PRKG1: variants seen among roughly 807,000 people sequenced by gnomAD.
PRKG1 encodes the protein cGMP-dependent protein kinase 1.
A neutral mutation model predicts 88.1 loss-of-function variants in PRKG1; 35 were observed. The ratio of observed to expected loss-of-function variants is 0.40; its 90% CI spans 0.30 to 0.53. PRKG1 has a LOEUF of 0.53. PRKG1 is among the 20% of genes least tolerant of loss of function. The pLI is 0.59. For synonymous variants in PRKG1, 303 were observed against 292.5 expected (o/e 1.04, Z -0.37); for missense variants, 540 against 839.8 (o/e 0.64, Z 4.41).
intron 2 of PRKG1, among the ~76,000 whole-genome samples, chr10:51,394,420 T>G (rs138835392): frequency 5.9e-5 from 9 of 152,304 alleles, no homozygotes; most frequent in Non-Finnish European, 1.2e-4. Context: ...GAGGGAAGAA[T>G]CAGAAATGCC....
intron 5 of PRKG1, among the ~76,000 whole-genome samples, chr10:51,967,674 T>G (rs976272982): frequency 6.6e-6 from 1 of 152,278 alleles, no homozygotes; most frequent in East Asian, 1.9e-4. Context: ...CTTCACAGCC[T>G]TTTTACTTCT....
At chr10:51,622,698 C>A (rs1008505025) in intron 3 of PRKG1, among the ~76,000 whole-genome samples, 1 of 152,114 alleles carries the variant, frequency 6.6e-6, no homozygotes, top group East Asian at 1.9e-4. Context: ...CATTTTCCTC[C>A]CCAGACACTT....
upstream of PRKG1, chr10:51,074,399 T>C (rs376195944): frequency 7.9e-6 from 11 of 1,397,194 alleles, no homozygotes; most frequent in East Asian, 5.1e-5. Context: ...AAGTGGAATC[T>C]GCACTGAAAC....
intron 2 of PRKG1, among the ~76,000 whole-genome samples, chr10:51,355,825 T>A (rs1842354397): frequency 6.6e-6 from 1 of 152,014 alleles, no homozygotes; most frequent in African/African-American, 2.4e-5. Flanking sequence ...TTGCAAATAT[T>A]CCCAATGATA....
At chr10:51,083,166 A>C (rs181687301) in intron 1 of PRKG1, among the ~76,000 whole-genome samples, 1 of 152,202 alleles carries the variant, frequency 6.6e-6, no homozygotes, top group East Asian at 1.9e-4. Flanking sequence ...TATCAGCATC[A>C]CTTTAATCTC....
chr10:51,828,557 A>G (rs974272518), intron 4 of PRKG1, among the ~76,000 whole-genome samples: 1 of 152,180 alleles, frequency 6.6e-6, no homozygotes, highest in Non-Finnish European at 1.5e-5. Context: ...CTTATACTGG[A>G]ACAACCTGAT....
At chr10:51,244,172 T>A (rs141335277) in intron 2 of PRKG1, among the ~76,000 whole-genome samples, 67 of 152,288 alleles carry the variant, frequency 4.4e-4, no homozygotes, top group African/African-American at 1.5e-3. Flanking sequence ...TCATAGATAC[T>A]TTACATAAAA....
chr10:51,423,913 T>G (rs1241779203), intron 2 of PRKG1, among the ~76,000 whole-genome samples: 1 of 152,172 alleles, frequency 6.6e-6, no homozygotes, highest in Non-Finnish European at 1.5e-5. Flanking sequence ...GATCATCATA[T>G]TAAATTATAC....
At chr10:51,202,619 T>C (rs1837941765) in intron 2 of PRKG1, among the ~76,000 whole-genome samples, 2 of 152,228 alleles carry the variant, frequency 1.3e-5, no homozygotes, top group African/African-American at 4.8e-5. Context: ...TAATTTCAAC[T>C]AGAATATAGA....
At position 50,991,599 on chromosome 10, in the gene PRKG1, TCCA is replaced by T. The variant is rs768634536; in HGVS notation, c.223_225del (p.His75del). 6.3e-7 allele frequency: 1 copy of T among 1,578,338 alleles called. No individual in the cohort carries two copies. The highest frequency in any genetic ancestry group is 8.6e-7 in the Non-Finnish European group (1 of 1,163,946). On this transcript the variant is annotated inframe_deletion, in exon 1 of 18. Transcript: ENST00000401604. This position sits in a 1 kb window ranked among gnomAD's most constrained non-coding sequence, Gnocchi z 4.5. ...GCCGAGCCGCAGACGTACAGGTCCTTCCACGACCTCCGACAGGCATTCCGGAAG... is the reference window on the plus strand; with the variant it reads ...GCCGAGCCGCAGACGTACAGGTCCTTCGACCTCCGACAGGCATTCCGGAAG...
At chr10:52,069,931 T>A (rs1846454856) in intron 7 of PRKG1, among the ~76,000 whole-genome samples, 1 of 146,890 alleles carries the variant, frequency 6.8e-6, no homozygotes, top group African/African-American at 2.5e-5. Context: ...AAGTTTTACC[T>A]TCTTCTATTT....
chr10:52,045,907 A>T (rs1845852712), intron 5 of PRKG1, among the ~76,000 whole-genome samples: 1 of 152,000 alleles, frequency 6.6e-6, no homozygotes, highest in Non-Finnish European at 1.5e-5. Context: ...GACTGTGGTT[A>T]TCTGGAAACC....
At chr10:51,737,054 T>A (rs768145715) in intron 3 of PRKG1, among the ~76,000 whole-genome samples, 7 of 152,200 alleles carry the variant, frequency 4.6e-5, no homozygotes, top group Non-Finnish European at 1.0e-4. Flanking sequence ...TAAAGATTAT[T>A]TACAAACAGG....
intron 3 of PRKG1, among the ~76,000 whole-genome samples, chr10:51,547,833 T>A (rs1842477145): frequency 6.6e-6 from 1 of 152,152 alleles, no homozygotes; most frequent in Admixed American, 6.6e-5. Flanking sequence ...GTGCAATTAA[T>A]GTTACCTTTT....
At chr10:51,081,275 G>T (rs1358689009) in intron 1 of PRKG1, among the ~76,000 whole-genome samples, 1 of 152,196 alleles carries the variant, frequency 6.6e-6, no homozygotes, top group East Asian at 1.9e-4. Context: ...AGGGCGAAAC[G>T]AGATGGGTAT....
chr10:51,295,966 T>C (rs916573149), intron 2 of PRKG1, among the ~76,000 whole-genome samples: 1 of 152,190 alleles, frequency 6.6e-6, no homozygotes, highest in African/African-American at 2.4e-5. Context: ...GTTAGTGTGG[T>C]GTATCACGTT....
chr10:51,239,462 CAGTT>C (rs1839092956), intron 2 of PRKG1, among the ~76,000 whole-genome samples: 1 of 152,160 alleles, frequency 6.6e-6, no homozygotes, highest in Non-Finnish European at 1.5e-5. Context: ...ATGAAAAACA[CAGTT>C]AGCCAAATGG....
chr10:51,663,394 C>T (rs998556479), intron 3 of PRKG1, among the ~76,000 whole-genome samples: 2 of 151,998 alleles, frequency 1.3e-5, no homozygotes, highest in East Asian at 1.9e-4. Flanking sequence ...TTCACATCAA[C>T]CTTAAAGCTG....
At chr10:52,000,025 A>AT (rs546241359) in intron 5 of PRKG1, among the ~76,000 whole-genome samples, 80 of 152,058 alleles carry the variant, frequency 5.3e-4, no homozygotes, top group African/African-American at 1.9e-3. Context: ...ACCCTTTCTG[A>AT]TTTTTTAATG....
Sources: allele counts gnomAD v4.1 joint callset (sites outside exome capture counted in the v4.1 genomes callset), GRCh38; gene constraint gnomAD v4.1.1; non-coding constraint Gnocchi (gnomAD v3.1); transcripts MANE v1.5; gene names NCBI Gene and HGNC (gene_info 2026-07-23, HGNC 2026-07-21).